Variants in EVA1C observed in about 807,000 individuals in gnomAD.
The protein encoded by EVA1C is protein eva-1 homolog C.
EVA1C carries 25 observed loss-of-function variants against 45.4 expected under a neutral mutation model. That is an observed-to-expected ratio of 0.55 (90% CI 0.40 to 0.77). The LOEUF is 0.77. Among genes scored for constraint, EVA1C ranks in the 30% least tolerant of loss-of-function variants. EVA1C has a pLI of 0.00. For missense variants in EVA1C, 479 were observed against 554.8 expected (o/e 0.86, Z 1.37); for synonymous variants, 190 against 221.2 (o/e 0.86, Z 1.25).
chr21:32,424,155 T>G (rs182651999), intron 1 of EVA1C, among the ~76,000 whole-genome samples: 1 of 152,322 alleles, frequency 6.6e-6, no homozygotes, highest in Non-Finnish European at 1.5e-5. Flanking sequence ...GAGTAGTGTT[T>G]CAGAGTCTGA....
chr21:32,507,592 G>C (rs1345699381), intron 7 of EVA1C, among the ~76,000 whole-genome samples: 1 of 151,964 alleles, frequency 6.6e-6, no homozygotes, highest in Non-Finnish European at 1.5e-5. Context: ...GTGTGTGCAT[G>C]TGTGTTTCTA....
intron 1 of EVA1C, among the ~76,000 whole-genome samples, chr21:32,440,638 G>A (rs1381029650): frequency 6.6e-6 from 1 of 152,126 alleles, no homozygotes; most frequent in Non-Finnish European, 1.5e-5. Flanking sequence ...ATTGGTTGAT[G>A]ATCTCTCTCT....
chr21:32,437,772 C>G (rs1209385868), intron 1 of EVA1C, among the ~76,000 whole-genome samples: 2 of 152,162 alleles, frequency 1.3e-5, no homozygotes, highest in Admixed American at 6.5e-5. Flanking sequence ...CCTGCGTTTC[C>G]TCTCTCCCAG....
At chr21:32,505,496 G>A (rs1196781643) in intron 7 of EVA1C, among the ~76,000 whole-genome samples, 1 of 152,160 alleles carries the variant, frequency 6.6e-6, no homozygotes, top group South Asian at 2.1e-4. Flanking sequence ...CCGACATTGC[G>A]CTCAGTGAGC....
chr21:32,477,202 G>C (rs1378045985), intron 4 of EVA1C, among the ~76,000 whole-genome samples: 1 of 152,084 alleles, frequency 6.6e-6, no homozygotes, highest in Non-Finnish European at 1.5e-5. Context: ...CTTGGCTTTA[G>C]CACATCAAGA....
chr21:32,428,155 G>C (rs758966399), intron 1 of EVA1C, among the ~76,000 whole-genome samples: 8 of 152,284 alleles, frequency 5.3e-5, no homozygotes, highest in Non-Finnish European at 1.0e-4. Context: ...ATGTTGCCAA[G>C]CATTAGTCCA....
In EVA1C at chr21:32,508,059, G is replaced by A. The variant is rs576922401; in HGVS notation, c.949+4044G>A. On this transcript the variant is annotated intron_variant, in intron 7 of 7. Coordinates refer to ENST00000300255, the MANE Select transcript of EVA1C (RefSeq NM_058187.5). ...TGCGTGTGTATCTGTGTGTGTAAGT[G>A]TGTGTTGGAAGTTCTTAGCAAAGCA... Among the ~76,000 whole-genome samples, 5 of 152,272 alleles carry A rather than the reference G, an allele frequency of 3.3e-5. No individual in the cohort carries two copies. The East Asian group carries it at 9.6e-4, about 29-fold the overall frequency.
chr21:32,487,778 C>T (rs1315428056), intron 4 of EVA1C, among the ~76,000 whole-genome samples: 1 of 151,834 alleles, frequency 6.6e-6, no homozygotes, highest in Non-Finnish European at 1.5e-5. Flanking sequence ...CTCCATGCCC[C>T]GTCCCCAAAC....
In EVA1C at chr21:32,457,607, A is replaced by T; in HGVS notation, c.368A>T (p.Asp123Val). The change falls in exon 3 of 8, where the codon GAC (aspartate) becomes GTC (valine). Residue 123 changes from aspartate (D) to valine (V), a missense_variant. By Grantham distance (152) the Asp-to-Val change is radical. Transcript: ENST00000300255. ...ACCCTCTCCTTCTAGAAGGTGCTGG[A>T]CGAATGCCAGAACCAGCGGGCCTGC... ...VAATTFQKVLDECQNQRACHL... is the reference protein window; with the variant it reads ...VAATTFQKVLVECQNQRACHL... The T allele has an allele frequency of 6.2e-7, 1 of 1,614,192 alleles. No individual in the cohort carries two copies. Among genetic ancestry groups the T allele is most frequent in the Non-Finnish European group, 8.5e-7 (1 of 1,180,028 alleles).
chr21:32,491,822 G>A (rs1448751541), intron 4 of EVA1C, among the ~76,000 whole-genome samples: 1 of 152,096 alleles, frequency 6.6e-6, no homozygotes, highest in East Asian at 1.9e-4. Context: ...TGGCAGGAGA[G>A]TAGGAGGAGA....
At chr21:32,421,186 G>C (rs1238204405) in intron 1 of EVA1C, among the ~76,000 whole-genome samples, 1 of 82,534 alleles carries the variant, frequency 1.2e-5, no homozygotes, top group Non-Finnish European at 2.4e-5. Flanking sequence ...AAAATGAAGA[G>C]AGAATAGAGA....
At chr21:32,450,889 G>A (rs1006164689) in intron 1 of EVA1C, among the ~76,000 whole-genome samples, 9 of 152,204 alleles carry the variant, frequency 5.9e-5, no homozygotes, top group African/African-American at 2.2e-4. Flanking sequence ...TGTCCGTTTT[G>A]CCACTCATGT....
intron 1 of EVA1C, among the ~76,000 whole-genome samples, chr21:32,416,351 C>T (rs1311696469): frequency 1.2e-4 from 16 of 132,338 alleles, no homozygotes; most frequent in African/African-American, 3.3e-4. Context: ...CTTTTTGAGA[C>T]GCAGTTTCAC....
intron 3 of EVA1C, among the ~76,000 whole-genome samples, chr21:32,464,293 C>T (rs1327444020): frequency 6.6e-6 from 1 of 152,138 alleles, no homozygotes; most frequent in Non-Finnish European, 1.5e-5. Context: ...TGTTAAACTA[C>T]CAGGGCAGGA....
rs1326462142 is a variant in EVA1C, at chr21:32,467,791, A to T, written c.577A>T (p.Arg193Trp). The change falls in exon 4 of 8, where the codon AGG (arginine) becomes TGG (tryptophan). Residue 193 changes from arginine to tryptophan, a missense_variant. Coordinates refer to ENST00000300255, the MANE Select transcript of EVA1C (RefSeq NM_058187.5). ...CAACATCTACTCTGCGACCTACGGC[A>T]GGAGGACCCAGGAAAGGGACATCTG... ...FLNIYSATYGRRTQERDICSS... is the reference protein window; with the variant it reads ...FLNIYSATYGWRTQERDICSS... 31 of 1,613,098 alleles carry T rather than the reference A, an allele frequency of 1.9e-5. No homozygotes were observed. The highest frequency in any genetic ancestry group is 2.7e-5 in the African/African-American group (2 of 74,850).
At chr21:32,465,703 G>A (rs2146294493) in intron 3 of EVA1C, among the ~76,000 whole-genome samples, 1 of 152,166 alleles carries the variant, frequency 6.6e-6, no homozygotes, top group East Asian at 1.9e-4. Flanking sequence ...TCACCATGTT[G>A]GCCAGGCTGG....
rs1568949628 is a variant in EVA1C, at chr21:32,502,004, CTTTCTTTCTTTCTT to C, written c.859+511_859+524del. 5.8e-4 allele frequency among the ~76,000 whole-genome samples: 52 copies of C among 89,796 alleles called. No homozygotes were observed. The South Asian group carries it at 0.017, about 30-fold the overall frequency. 58.9% of individuals were successfully genotyped at this position (89,796 alleles called of 152,430 possible). A position where few individuals can be genotyped will look rare whatever the true frequency, so the allele number is the denominator to read the frequency against. On this transcript the variant is annotated intron_variant, in intron 6 of 7. Transcript: ENST00000300255. ...CGCTCTTTTCTTTCTTTCTTTCTTT[CTTTCTTTCTTTCTT>C]TCTTTCTTTCTTTCTTTCTTTCTTT...
At chr21:32,440,612 C>G (rs774725278) in intron 1 of EVA1C, among the ~76,000 whole-genome samples, 1 of 152,000 alleles carries the variant, frequency 6.6e-6, no homozygotes, top group Non-Finnish European at 1.5e-5. Flanking sequence ...AGATGTCAAC[C>G]AATTAACTTT....
chr21:32,493,770 TTTTATTTATTTATTTATTTATTTA>T (rs3056333), intron 4 of EVA1C: 1 of 145,040 alleles, frequency 6.9e-6, no homozygotes. Flanking sequence ...AAGGTAGGCT[TTTTATTTATTTATTTATTTATTTA>T]TTTATTTATT....
Sources: allele counts gnomAD v4.1 joint callset (sites outside exome capture counted in the v4.1 genomes callset), GRCh38; gene constraint gnomAD v4.1.1; transcripts MANE v1.5; gene names NCBI Gene and HGNC (gene_info 2026-07-23, HGNC 2026-07-21).